Variants in ATRNL1 observed in about 807,000 individuals in gnomAD.
The protein encoded by ATRNL1 is attractin like 1.
In ATRNL1, 95 loss-of-function variants were observed where a neutral mutation model predicts 182.7. The observed-to-expected ratio is 0.52, with a 90% CI of 0.44 to 0.62. The LOEUF (loss-of-function observed/expected upper bound fraction) is 0.62. Among genes scored for constraint, ATRNL1 ranks in the 20% least tolerant of loss-of-function variants. The pLI, the probability that ATRNL1 is intolerant of heterozygous loss-of-function variation, is 0.00. For missense variants in ATRNL1, 1,471 were observed against 1,679.5 expected, an observed-to-expected ratio of 0.88 and a Z score of 2.17; for synonymous variants, 576 against 568.3, an observed-to-expected ratio of 1.01 and a Z score of -0.19.
intron 28 of ATRNL1, among the ~76,000 whole-genome samples, chr10:115,941,714 G>T (rs1180826036): frequency 6.6e-5 from 10 of 152,180 alleles, no homozygotes; most frequent in Non-Finnish European, 2.9e-5. Flanking sequence ...TGTAAATAAT[G>T]ACAGAAGTAT....
intron 26 of ATRNL1, among the ~76,000 whole-genome samples, chr10:115,603,376 A>T (rs1362867610): frequency 6.6e-6 from 1 of 152,172 alleles, no homozygotes; most frequent in Non-Finnish European, 1.5e-5. Flanking sequence ...GACTCCTGTC[A>T]TCCCATCAAT....
At chr10:115,359,417 G>A (rs530533733) in intron 19 of ATRNL1, among the ~76,000 whole-genome samples, 2 of 151,504 alleles carry the variant, frequency 1.3e-5, no homozygotes, top group South Asian at 2.1e-4. Flanking sequence ...GAGTTTTCTA[G>A]TTTCAACTAA....
chr10:115,226,095 A>G (rs551392521), intron 9 of ATRNL1, among the ~76,000 whole-genome samples: 3 of 151,960 alleles, frequency 2.0e-5, no homozygotes, highest in African/African-American at 7.2e-5. Flanking sequence ...AATGCAGCAA[A>G]TAGAATTCCA....
intron 13 of ATRNL1, among the ~76,000 whole-genome samples, chr10:115,274,195 T>C (rs761408996): frequency 1.5e-4 from 23 of 152,204 alleles, no homozygotes; most frequent in Non-Finnish European, 3.2e-4. Flanking sequence ...TGCAGGATCA[T>C]GTAGCCCAAC....
intron 19 of ATRNL1, among the ~76,000 whole-genome samples, chr10:115,362,016 A>G (rs75345692): frequency 0.029 from 4,342 of 152,176 alleles, 193 homozygotes; most frequent in African/African-American, 0.096. Flanking sequence ...CAGGTGCCTA[A>G]TATCCTAAAT....
At chr10:115,311,723 T>C (rs2134004341) in intron 17 of ATRNL1, among the ~76,000 whole-genome samples, 1 of 152,352 alleles carries the variant, frequency 6.6e-6, no homozygotes, top group Non-Finnish European at 1.5e-5. Context: ...TCCACCATTA[T>C]TGTGCTGCTG....
rs1949819664 is a variant in ATRNL1 at position 115,802,401 on chromosome 10, AG to A, written c.3904-45473del. ...TCCATCATACTTTTATTTGAAAAGAAGGGATGCTAACTCTCAGAAGCATGTC... is the reference window on the plus strand; with the variant it reads ...TCCATCATACTTTTATTTGAAAAGAAGGATGCTAACTCTCAGAAGCATGTC... On this transcript the variant is annotated intron_variant, in intron 27 of 28. Coordinates refer to ENST00000355044, the MANE Select transcript of ATRNL1 (RefSeq NM_207303.4). 1.3e-5 allele frequency among the ~76,000 whole-genome samples: 2 copies of A among 152,228 alleles called. 1 individual carries two copies. Among genetic ancestry groups the A allele is most frequent in the South Asian group, 4.1e-4 (2 of 4,834 alleles).
At chr10:115,472,209 A>G (rs1438151924) in intron 24 of ATRNL1, among the ~76,000 whole-genome samples, 3 of 150,872 alleles carry the variant, frequency 2.0e-5, no homozygotes, top group Non-Finnish European at 4.5e-5. Flanking sequence ...GTATTAGTGT[A>G]TTTTTATGCC....
At chr10:115,539,572 G>A (rs567550931) in intron 25 of ATRNL1, among the ~76,000 whole-genome samples, 1 of 152,270 alleles carries the variant, frequency 6.6e-6, no homozygotes, top group South Asian at 2.1e-4. Flanking sequence ...GTTTGGACAG[G>A]GTAAAGTCCT....
At chr10:115,541,916 G>A (rs927586019) in intron 25 of ATRNL1, among the ~76,000 whole-genome samples, 3 of 151,960 alleles carry the variant, frequency 2.0e-5, no homozygotes, top group Non-Finnish European at 4.4e-5. Flanking sequence ...ATATACTTAG[G>A]GTTTCTCTAT....
intron 27 of ATRNL1, among the ~76,000 whole-genome samples, chr10:115,728,761 C>A (rs1947695603): frequency 6.6e-6 from 1 of 152,030 alleles, no homozygotes; most frequent in Non-Finnish European, 1.5e-5. Flanking sequence ...TTTTACTACT[C>A]TAGATCACAG....
chr10:115,849,869 A>G (rs973942880), intron 28 of ATRNL1, among the ~76,000 whole-genome samples: 7 of 152,164 alleles, frequency 4.6e-5, no homozygotes, highest in African/African-American at 1.2e-4. Flanking sequence ...TCTAAAATCA[A>G]CAGCCCATGT....
At chr10:115,943,299 T>G (rs1275137078) in intron 28 of ATRNL1, among the ~76,000 whole-genome samples, 1 of 152,146 alleles carries the variant, frequency 6.6e-6, no homozygotes, top group Non-Finnish European at 1.5e-5. Flanking sequence ...ATCCAAAATC[T>G]TCAAAGAACT....
At chr10:115,819,388 G>A (rs758114627) in intron 27 of ATRNL1, among the ~76,000 whole-genome samples, 6 of 152,006 alleles carry the variant, frequency 3.9e-5, no homozygotes, top group Non-Finnish European at 1.5e-5. Flanking sequence ...AATTCTGTGA[G>A]GATAGAGAAC....
intron 20 of ATRNL1, among the ~76,000 whole-genome samples, chr10:115,404,759 G>T (rs1442588942): frequency 6.7e-6 from 1 of 149,832 alleles, no homozygotes; most frequent in Non-Finnish European, 1.5e-5. Flanking sequence ...TGGTATTTAG[G>T]TTTAATTTGT....
chr10:115,372,085 C>G (rs1323883362), intron 19 of ATRNL1, among the ~76,000 whole-genome samples: 2 of 152,192 alleles, frequency 1.3e-5, no homozygotes, highest in African/African-American at 4.8e-5. Flanking sequence ...GCCTCCCCAG[C>G]CATGTGGAAC....
At chr10:115,870,967 A>G (rs1367430347) in intron 28 of ATRNL1, among the ~76,000 whole-genome samples, 1 of 152,194 alleles carries the variant, frequency 6.6e-6, no homozygotes, top group Non-Finnish European at 1.5e-5. Flanking sequence ...TCCTACTATT[A>G]TTATTTCGAG....
intron 27 of ATRNL1, among the ~76,000 whole-genome samples, chr10:115,743,686 T>G (rs2134102423): frequency 6.6e-6 from 1 of 152,298 alleles, no homozygotes; most frequent in African/African-American, 2.4e-5. Flanking sequence ...TTTGCTTTAT[T>G]TATTGATTAT....
intron 26 of ATRNL1, among the ~76,000 whole-genome samples, chr10:115,719,217 G>A (rs1319844703): frequency 6.6e-6 from 1 of 152,146 alleles, no homozygotes; most frequent in Non-Finnish European, 1.5e-5. Flanking sequence ...GGAGTTTCTT[G>A]ACAAGGCATT....
Sources: gnomAD v4.1 joint callset for allele counts (sites outside exome capture counted in the v4.1 genomes callset) on GRCh38, gnomAD v4.1.1 for gene constraint, MANE v1.5 for transcripts, NCBI Gene and HGNC (gene_info 2026-07-23, HGNC 2026-07-21) for gene names.